The following MBP variants were observed in gnomAD, a reference collection of about 807,000 sequenced individuals.
MBP encodes myelin basic protein, also known as Golli-MBP.
MBP carries 16 observed loss-of-function variants against 35.8 expected under a neutral mutation model. The ratio of observed to expected loss-of-function variants is 0.45; its 90% CI spans 0.30 to 0.68. The LOEUF (loss-of-function observed/expected upper bound fraction) is 0.68. Ranked by LOEUF, MBP falls within the 30% of genes least tolerant of loss-of-function variation. The pLI, the probability that MBP is intolerant of heterozygous loss-of-function variation, is 0.08. For synonymous variants in MBP, 143 were observed against 159.6 expected, an observed-to-expected ratio of 0.90 and a Z score of 0.78; for missense variants, 380 against 404.7, an observed-to-expected ratio of 0.94 and a Z score of 0.52.
At chr18:76,982,329 G>A (rs934513782) in intron 8 of MBP, 1 of 152,208 alleles carries the variant, frequency 6.6e-6, no homozygotes, top group Non-Finnish European at 1.5e-5. Flanking sequence ...GTATAAGGCT[G>A]AACTCACAAG....
At chr18:77,126,460 G>C (rs1789081) in intron 1 of MBP, among the ~76,000 whole-genome samples, 1 of 151,956 alleles carries the variant, frequency 6.6e-6, no homozygotes, top group Non-Finnish European at 1.5e-5. Flanking sequence ...TAAAAACTCA[G>C]TGCTTTGCCC....
At chr18:77,011,014 T>TGCA (rs1175983401) in intron 4 of MBP, among the ~76,000 whole-genome samples, 2 of 152,200 alleles carry the variant, frequency 1.3e-5, no homozygotes, top group Admixed American at 6.5e-5. Context: ...CAGCTGAGTA[T>TGCA]GCATGAGAAT....
chr18:77,111,989 C>T (rs941434098), intron 1 of MBP, among the ~76,000 whole-genome samples: 6 of 152,146 alleles, frequency 3.9e-5, no homozygotes, highest in Non-Finnish European at 7.4e-5. Flanking sequence ...TCTCCCCCGA[C>T]GTCCCTCCCT....
chr18:77,071,661 T>C (rs1444119834), intron 2 of MBP, among the ~76,000 whole-genome samples: 1 of 152,178 alleles, frequency 6.6e-6, no homozygotes. Flanking sequence ...TGGTTCTGCA[T>C]CCTCAGTACC....
intron 4 of MBP, chr18:77,006,367 G>C (rs1355207663): frequency 6.6e-6 from 1 of 152,448 alleles, no homozygotes; most frequent in African/African-American, 2.4e-5. Flanking sequence ...GCTTGGAGGA[G>C]CTGGCACCGT....
Position 76,989,190 on chromosome 18 carries a change from G to A in MBP, c.682-278C>T, listed in dbSNP as rs1184750156. ...GTAGCTGGGGAATGGGCCCATCTTG[G>A]GACACTGAGGGAGGCGGCGGACTTT... On this transcript the variant is annotated intron_variant, in intron 5 of 8. Coordinates refer to ENST00000355994, the MANE Select transcript of MBP (RefSeq NM_001025101.2). The surrounding 1 kb of genome is among the most constrained non-coding windows in gnomAD (Gnocchi z 4.0). 2 of 626,250 alleles carry A rather than the reference G, an allele frequency of 3.2e-6. No homozygotes were observed. Among genetic ancestry groups the A allele is most frequent in the Admixed American group, 2.2e-5 (1 of 45,280 alleles). The allele number at this position is 626,250 out of a possible 1,614,324, so 38.8% of individuals were successfully genotyped here. A position where few individuals can be genotyped will look rare whatever the true frequency, so the allele number is the denominator to read the frequency against.
chr18:77,066,628 C>CA (rs1974211202), intron 2 of MBP: 2 of 711,002 alleles, frequency 2.8e-6, no homozygotes, highest in South Asian at 1.4e-5. Context: ...TAGTTTTATA[C>CA]AAAAAAATTG....
At chr18:76,999,325 C>T (rs964012360) in intron 4 of MBP, among the ~76,000 whole-genome samples, 1 of 152,132 alleles carries the variant, frequency 6.6e-6, no homozygotes, top group Non-Finnish European at 1.5e-5. Flanking sequence ...ACCTCCGCTT[C>T]CCCCGTCAAC....
rs1225816153 is a variant in MBP, at chr18:77,101,683, C to A, written c.51+3528G>T. Among the ~76,000 whole-genome samples the A allele has an allele frequency of 6.6e-6, 1 of 152,210 alleles. No individual in the cohort carries two copies. Among genetic ancestry groups the A allele is most frequent in the Non-Finnish European group, 1.5e-5 (1 of 68,042 alleles). ...CTTTTTTTCACCAATCAGAGACATT[C>A]CACAGTTAACCCTTTAGTTAGTTTC... On this transcript the variant is annotated intron_variant, in intron 2 of 8. Transcript: ENST00000355994. This position sits in a 1 kb window ranked among gnomAD's most constrained non-coding sequence, Gnocchi z 4.3.
intron 4 of MBP, among the ~76,000 whole-genome samples, chr18:77,001,892 C>A (rs1487367118): frequency 6.6e-6 from 1 of 151,536 alleles, no homozygotes; most frequent in Non-Finnish European, 1.5e-5. Flanking sequence ...AGTTCCTGCT[C>A]ATCTACACCC....
At position 77,066,344 on chromosome 18, in the gene MBP, G is replaced by T; in HGVS notation, c.93C>A (p.Asn31Lys). The T allele has an allele frequency of 6.2e-7, 1 of 1,614,080 alleles. No individual in the cohort carries two copies. Reference protein sequence around the residue: ...TNRGESEKKRNLGELSRTTSE... With the variant: ...TNRGESEKKRKLGELSRTTSE... The stretch of plus-strand genomic sequence containing the variant: ...AGGTTGTCCGTGAAAGTTCACCCAG[G>T]TTTCTCTTTTTTTCAGATTCTCCTC... Residue 31 changes from asparagine (N) to lysine (K), a missense_variant, in exon 3 of 9, where the codon AAC becomes AAA. Asn to Lys is a moderately conservative substitution (Grantham distance 94). Transcript: ENST00000355994.
At chr18:77,003,239 T>C (rs949050463) in intron 4 of MBP, 2 of 152,202 alleles carry the variant, frequency 1.3e-5, no homozygotes, top group Non-Finnish European at 2.9e-5. Flanking sequence ...GACTGTCCTA[T>C]TTTGTCTATG....
At chr18:76,985,042 C>T (rs555660876) in intron 7 of MBP, 148 bp from the exon 8 acceptor site, 163 of 1,494,966 alleles carry the variant, frequency 1.1e-4, no homozygotes, top group Middle Eastern at 2.3e-4. Flanking sequence ...GCCAGCACCA[C>T]GCTGAGGGGG....
rs1969107331 is a variant in MBP, at chr18:76,980,337, T to G, written c.*90A>C. The G allele has an allele frequency of 8.2e-7, 1 of 1,221,006 alleles. No homozygotes were observed. The highest frequency in any genetic ancestry group is 1.5e-5 in the African/African-American group (1 of 67,130). The allele number at this position is 1,221,006 out of a possible 1,614,324, so 75.6% of individuals were successfully genotyped here. ...AGGCATTAGGGGAGGGGTCATCTGC[T>G]CTAATTAGGTAACAGGGGCAAGTGG... On this transcript the variant is annotated 3_prime_UTR_variant, in exon 9 of 9. Transcript: ENST00000355994.
intron 2 of MBP, among the ~76,000 whole-genome samples, chr18:77,080,122 G>A (rs911314663): frequency 1.3e-5 from 2 of 152,120 alleles, no homozygotes; most frequent in Non-Finnish European, 2.9e-5. Context: ...TTATAACCTT[G>A]CAAACTTATT....
chr18:77,017,400 C>T lies in MBP; in HGVS notation c.140-132G>A, dbSNP rs190065580. ...AGAATATGTGCAGTCCTCATAAAGC[C>T]CTTGGCCTAGGATGGAGCTAACCTG... On this transcript the variant is annotated intron_variant, in intron 3 of 8. Coordinates refer to ENST00000355994, the MANE Select transcript of MBP (RefSeq NM_001025101.2). The T allele has an allele frequency of 1.2e-3, 919 of 794,004 alleles. 4 individuals are homozygous for T. In the African/African-American group the frequency reaches 0.013, roughly 11 times the overall value. The allele number at this position is 794,004 out of a possible 1,614,324, so 49.2% of individuals were successfully genotyped here. A position where few individuals can be genotyped will look rare whatever the true frequency, so the allele number is the denominator to read the frequency against.
At chr18:77,018,612 T>TCCTCCATC (rs1971806865) in intron 3 of MBP, among the ~76,000 whole-genome samples, 1 of 110,972 alleles carries the variant, frequency 9.0e-6, no homozygotes, top group Non-Finnish European at 1.8e-5. Flanking sequence ...ATCTATCCAC[T>TCCTCCATC]CATCCATCCA....
intron 1 of MBP, among the ~76,000 whole-genome samples, chr18:77,112,169 G>GCACACACA (rs6146398): frequency 0.17 from 25,155 of 150,896 alleles, 2,453 homozygotes; most frequent in Middle Eastern, 0.27. Flanking sequence ...CCGTGCACAC[G>GCACACACA]CACACACACA....
chr18:77,019,839 G>A (rs958049154), intron 3 of MBP, among the ~76,000 whole-genome samples: 3 of 152,140 alleles, frequency 2.0e-5, no homozygotes, highest in African/African-American at 7.2e-5. Flanking sequence ...GCGCGGAATC[G>A]GCTCCCGGTG....
Sources: allele counts gnomAD v4.1 joint callset (sites outside exome capture counted in the v4.1 genomes callset), GRCh38; gene constraint gnomAD v4.1.1; non-coding constraint Gnocchi (gnomAD v3.1); transcripts MANE v1.5; gene names NCBI Gene and HGNC (gene_info 2026-07-23, HGNC 2026-07-21).